The following PRKG1 variants were observed in gnomAD, a reference collection of about 807,000 sequenced individuals.
PRKG1 encodes the protein cGMP-dependent protein kinase 1.
A neutral mutation model predicts 88.1 loss-of-function variants in PRKG1; 35 were observed. That is an observed-to-expected ratio of 0.40 (90% confidence interval 0.30 to 0.53). PRKG1 has a LOEUF of 0.53. PRKG1 is among the 20% of genes least tolerant of loss of function. PRKG1 has a pLI of 0.59. For synonymous variants in PRKG1, 303 were observed against 292.5 expected (o/e 1.04, Z -0.37); for missense variants, 540 against 839.8 (o/e 0.64, Z 4.41).
In PRKG1 at chr10:51,699,082, C is replaced by T. The variant is rs756447797; in HGVS notation, c.593-105503C>T. Reference sequence around the variant, plus strand: ...TTTGAAGTAACATGTTTCGAGCTTCCTGGTGGCTGTTTTGGACACAGAGCT... The same window carrying T: ...TTTGAAGTAACATGTTTCGAGCTTCTTGGTGGCTGTTTTGGACACAGAGCT... On this transcript the variant is annotated intron_variant, in intron 3 of 17. Transcript: ENST00000373980. 2.5e-6 allele frequency: 4 copies of T among 1,614,220 alleles called. No individual in the cohort carries two copies. In the East Asian group the frequency reaches 6.7e-5, roughly 27 times the overall value.
rs77704050 is a variant in PRKG1 at position 51,458,166 on chromosome 10, G to A, written c.479-9557G>A. ...AAAAAATACATATATCACATCAAGC[G>A]CAGATATTTTAAACTGTCAAGTAAC... On this transcript the variant is annotated intron_variant, in intron 2 of 17. Transcript: ENST00000373980. Among the ~76,000 whole-genome samples the A allele has an allele frequency of 7.8e-3, 1,191 of 152,166 alleles. 6 individuals are homozygous for A. The highest frequency in any genetic ancestry group is 8.9e-3 in the Non-Finnish European group (608 of 67,998).
chr10:51,220,905 A>G lies in PRKG1; in HGVS notation c.478+67575A>G, dbSNP rs1838511600. On this transcript the variant is annotated intron_variant, in intron 2 of 17. Coordinates refer to ENST00000373980, the MANE Select transcript of PRKG1 (RefSeq NM_006258.4). The stretch of plus-strand genomic sequence containing the variant: ...AGGATAAAGACAAATTGGAAATTGA[A>G]AAGGAATAAGAAACATTTTTCTGTG... 4.6e-5 allele frequency among the ~76,000 whole-genome samples: 7 copies of G among 152,050 alleles called. 1 individual carries two copies. The South Asian group carries it at 1.4e-3, about 31-fold the overall frequency.
intron 3 of PRKG1, among the ~76,000 whole-genome samples, chr10:51,494,896 CA>C (rs1251738871): frequency 6.6e-6 from 1 of 152,102 alleles, no homozygotes; most frequent in East Asian, 1.9e-4. Flanking sequence ...AGAATAAGCA[CA>C]TTATGGTTTG....
Position 51,980,850 on chromosome 10 carries a change from C to A in PRKG1, c.762+73280C>A, listed in dbSNP as rs60538976. Among the ~76,000 whole-genome samples, 774 of 152,148 alleles carry A rather than the reference C, an allele frequency of 5.1e-3. 17 individuals carry two copies. The highest frequency in any genetic ancestry group is 0.034 in the East Asian group (175 of 5,176). ...ATTTGCTTGCTAGATTTTTCTCCATCCCTTTATTTTGAGCCTATGGGTGTT... is the reference window on the plus strand; with the variant it reads ...ATTTGCTTGCTAGATTTTTCTCCATACCTTTATTTTGAGCCTATGGGTGTT... On this transcript the variant is annotated intron_variant, in intron 5 of 17. Transcript: ENST00000373980.
intron 3 of PRKG1, among the ~76,000 whole-genome samples, chr10:51,609,188 TA>T (rs1051273721): frequency 2.6e-5 from 4 of 152,068 alleles, no homozygotes; most frequent in South Asian, 4.2e-4. Flanking sequence ...AAATATTTTT[TA>T]AAAAAAATTT....
chr10:51,486,313 C>G (rs1346060361), intron 3 of PRKG1, among the ~76,000 whole-genome samples: 1 of 151,996 alleles, frequency 6.6e-6, no homozygotes, highest in African/African-American at 2.4e-5. Flanking sequence ...ATTTTAGATT[C>G]ATCATATAAG....
intron 5 of PRKG1, among the ~76,000 whole-genome samples, chr10:51,920,318 G>T (rs1842436041): frequency 6.6e-6 from 1 of 152,166 alleles, no homozygotes. Context: ...AGAAACTTTT[G>T]TAGAAGTTGT....
chr10:51,933,494 A>G (rs1481894653), intron 5 of PRKG1, among the ~76,000 whole-genome samples: 2 of 152,134 alleles, frequency 1.3e-5, no homozygotes, highest in African/African-American at 4.8e-5. Context: ...ACTTCAGGTC[A>G]CAACAGTAAC....
intron 1 of PRKG1, among the ~76,000 whole-genome samples, chr10:51,120,923 C>A (rs1284659814): frequency 6.6e-6 from 1 of 152,074 alleles, no homozygotes; most frequent in Non-Finnish European, 1.5e-5. Flanking sequence ...ATGAGGGTCT[C>A]ACTAGGCTAC....
At chr10:50,994,466 G>A (rs1204812497) in intron 1 of PRKG1, among the ~76,000 whole-genome samples, 2 of 143,694 alleles carry the variant, frequency 1.4e-5, no homozygotes, top group African/African-American at 5.2e-5. Context: ...CTGGAGTGGA[G>A]TGGTGCGATC....
At position 51,325,930 on chromosome 10, in the gene PRKG1, G is replaced by A. The variant is rs554777692; in HGVS notation, c.479-141793G>A. Among the ~76,000 whole-genome samples the A allele has an allele frequency of 1.8e-4, 28 of 152,232 alleles. 1 individual carries two copies. The South Asian group carries it at 5.0e-3, about 27-fold the overall frequency. Reference sequence around the variant, plus strand: ...GCACCAGCCTGAGCCAAGGAGAAAGGGGTCTCCTTTTTGGTTTTAGAAAAG... The same window carrying A: ...GCACCAGCCTGAGCCAAGGAGAAAGAGGTCTCCTTTTTGGTTTTAGAAAAG... On this transcript the variant is annotated intron_variant, in intron 2 of 17. Transcript: ENST00000373980.
At chr10:52,255,997 G>T (rs898216803) in intron 10 of PRKG1, among the ~76,000 whole-genome samples, 1 of 148,030 alleles carries the variant, frequency 6.8e-6, no homozygotes, top group East Asian at 2.0e-4. Context: ...TTACAGGAAA[G>T]AAGACAAGAA....
rs144209384 is a variant in PRKG1 at position 51,589,958 on chromosome 10, G to A, written c.592+122122G>A. ...AGAAATGGAAGCAATCAATTACTAT[G>A]ATGAATAGGAGATCATAGAAGATCA... On this transcript the variant is annotated intron_variant, in intron 3 of 17. Transcript: ENST00000373980. Among the ~76,000 whole-genome samples, 601 of 152,266 alleles carry A rather than the reference G, an allele frequency of 3.9e-3. 6 individuals carry two copies. Among genetic ancestry groups the A allele is most frequent in the African/African-American group, 0.014 (565 of 41,564 alleles).
At chr10:52,241,292 G>T (rs1246196490) in intron 9 of PRKG1, among the ~76,000 whole-genome samples, 2 of 152,216 alleles carry the variant, frequency 1.3e-5, no homozygotes, top group African/African-American at 4.8e-5. Context: ...CGATTGAGTA[G>T]CAAAAAGAGA....
intron 9 of PRKG1, among the ~76,000 whole-genome samples, chr10:52,196,875 T>C (rs745306875): frequency 8.5e-5 from 13 of 152,326 alleles, no homozygotes; most frequent in Non-Finnish European, 1.5e-4. Flanking sequence ...TCTACTATGA[T>C]TGTATACTAA....
At chr10:52,277,449 A>G (rs1919461) in intron 12 of PRKG1, among the ~76,000 whole-genome samples, 72,238 of 152,062 alleles carry the variant, frequency 0.48, 19,103 homozygotes, top group Non-Finnish European at 0.61. Context: ...GTGCTCAATC[A>G]TAGTGGCTAC....
intron 5 of PRKG1, among the ~76,000 whole-genome samples, chr10:52,005,474 C>T (rs1373294129): frequency 2.6e-5 from 4 of 152,014 alleles, no homozygotes; most frequent in African/African-American, 9.7e-5. Context: ...GTGACCCCAC[C>T]CAACCCTGCC....
At chr10:51,312,293 G>A (rs775329243) in intron 2 of PRKG1, among the ~76,000 whole-genome samples, 22 of 152,132 alleles carry the variant, frequency 1.4e-4, no homozygotes, top group Non-Finnish European at 2.6e-4. Flanking sequence ...TGGCATCTAT[G>A]ATGGAACAGA....
At chr10:51,744,370 T>C (rs1449938177) in intron 3 of PRKG1, among the ~76,000 whole-genome samples, 1 of 152,150 alleles carries the variant, frequency 6.6e-6, no homozygotes, top group Non-Finnish European at 1.5e-5. Flanking sequence ...CCCTGTGCTA[T>C]AGTGATAGGC....
Sources: allele counts gnomAD v4.1 joint callset (sites outside exome capture counted in the v4.1 genomes callset), GRCh38; gene constraint gnomAD v4.1.1; transcripts MANE v1.5; gene names NCBI Gene and HGNC (gene_info 2026-07-23, HGNC 2026-07-21).